Variants in DRD2 observed in about 807,000 individuals in gnomAD.
DRD2 encodes the protein dopamine receptor D2.
A neutral mutation model predicts 38.0 loss-of-function variants in DRD2; 8 were observed. That is an observed-to-expected ratio of 0.21 (90% confidence interval 0.12 to 0.38). The LOEUF is 0.38. Ranked by LOEUF, DRD2 falls within the 10% of genes least tolerant of loss-of-function variation. The pLI, the probability that DRD2 is intolerant of heterozygous loss-of-function variation, is 1.00. For missense variants in DRD2, 403 were observed against 607.7 expected, an observed-to-expected ratio of 0.66 and a Z score of 3.54; for synonymous variants, 230 against 238.6, an observed-to-expected ratio of 0.96 and a Z score of 0.33.
chr11:113,441,495 T>G (rs540179792), intron 1 of DRD2, among the ~76,000 whole-genome samples: 2 of 151,800 alleles, frequency 1.3e-5, no homozygotes, highest in South Asian at 2.1e-4. Flanking sequence ...ATTGGACATT[T>G]CACATTAAAA....
intron 1 of DRD2, among the ~76,000 whole-genome samples, chr11:113,451,215 A>G (rs917632116): frequency 3.9e-5 from 6 of 152,232 alleles, no homozygotes; most frequent in African/African-American, 9.6e-5. Context: ...ATAAGGCAGC[A>G]AGCCCACCTC....
At chr11:113,471,686 A>C (rs538642157) in intron 1 of DRD2, among the ~76,000 whole-genome samples, 25 of 152,326 alleles carry the variant, frequency 1.6e-4, no homozygotes, top group African/African-American at 6.0e-4. Context: ...CAGAAACTGG[A>C]AAATTCATTG....
intron 1 of DRD2, among the ~76,000 whole-genome samples, chr11:113,430,787 G>A (rs1950978703): frequency 6.6e-6 from 1 of 152,334 alleles, no homozygotes; most frequent in African/African-American, 2.4e-5. Context: ...GAAGCCTGGT[G>A]AGTTCTTTGT....
At position 113,412,800 on chromosome 11, in the gene DRD2, G is replaced by C; in HGVS notation, c.894C>G (p.Ile298Met). ...GAGTCAGCTGGTGGTGGCTGGGTGG[G>C]ATGGGGCTGTACCGGGTCCTCTCGG... ...SPPERTRYSPIPPSHHQLTLP... is the reference protein window; with the variant it reads ...SPPERTRYSPMPPSHHQLTLP... Residue 298 changes from isoleucine (I) to methionine (M), a missense_variant, in exon 7 of 8, where the codon ATC becomes ATG. Around this residue, in one of 4 missense-constraint regions of DRD2, gnomAD observed 166 missense variants for 178.6 expected, o/e 0.93. Transcript: ENST00000362072. The C allele has an allele frequency of 6.2e-7, 1 of 1,613,994 alleles. No homozygotes were observed. The highest frequency in any genetic ancestry group is 8.5e-7 in the Non-Finnish European group (1 of 1,179,968).
intron 1 of DRD2, among the ~76,000 whole-genome samples, chr11:113,469,203 C>T (rs1156405866): frequency 5.3e-5 from 8 of 152,076 alleles, no homozygotes; most frequent in Non-Finnish European, 1.2e-4. Flanking sequence ...GCCCTCCCTC[C>T]TGCTCCCACT....
rs568127574 is a variant in DRD2, at chr11:113,427,051, C to A, written c.-31-2369G>T. 3.8e-4 allele frequency among the ~76,000 whole-genome samples: 58 copies of A among 152,364 alleles called. 1 individual carries two copies. The highest frequency in any genetic ancestry group is 3.1e-3 in the Admixed American group (48 of 15,310). On this transcript the variant is annotated intron_variant, in intron 1 of 7. Coordinates refer to ENST00000362072, the MANE Select transcript of DRD2 (RefSeq NM_000795.4). ...GACCATCGCTCTCTTCTTCTCCCCCCACTCCCTGCTGCTGATGATAGCATC... is the reference window on the plus strand; with the variant it reads ...GACCATCGCTCTCTTCTTCTCCCCCAACTCCCTGCTGCTGATGATAGCATC...
intron 5 of DRD2, 137 bp from the exon 6 acceptor site, chr11:113,414,598 C>A: frequency 1.2e-6 from 1 of 838,264 alleles, no homozygotes; most frequent in Non-Finnish European, 2.0e-6. Flanking sequence ...CCAGAGGAGG[C>A]AGTTGGGGCA....
chr11:113,443,294 T>C (rs1176966336), intron 1 of DRD2, among the ~76,000 whole-genome samples: 1 of 152,200 alleles, frequency 6.6e-6, no homozygotes. Flanking sequence ...CATAGTACAC[T>C]ATTGGCTCTT....
intron 1 of DRD2, among the ~76,000 whole-genome samples, chr11:113,435,329 G>T (rs1226227397): frequency 5.7e-5 from 1 of 17,486 alleles, no homozygotes; most frequent in African/African-American, 1.1e-4. Flanking sequence ...GTGACTCAGT[G>T]TGGGGGGGGG....
rs1241812226 is a variant in DRD2, at chr11:113,416,094, T to C, written c.533-483A>G. Among the ~76,000 whole-genome samples, 4 of 152,362 alleles carry C rather than the reference T, an allele frequency of 2.6e-5. No individual in the cohort carries two copies. In the East Asian group the frequency reaches 7.7e-4, roughly 29 times the overall value. ...TGTTTCATATGTTTGCGTGCCCTTC[T>C]AGGTCTACCAGACGCCTGTCCTCTA... On this transcript the variant is annotated intron_variant, in intron 4 of 7. Transcript: ENST00000362072.
At chr11:113,417,396 T>G (rs1004128327) in intron 3 of DRD2, among the ~76,000 whole-genome samples, 4 of 152,222 alleles carry the variant, frequency 2.6e-5, no homozygotes, top group Non-Finnish European at 5.9e-5. Context: ...GAGCAAGATT[T>G]AAGCCTTAGT....
intron 1 of DRD2, among the ~76,000 whole-genome samples, chr11:113,472,535 G>A (rs542769191): frequency 7.2e-5 from 11 of 152,162 alleles, no homozygotes; most frequent in Non-Finnish European, 1.0e-4. Flanking sequence ...TGTAGGTGAA[G>A]GTACAAGACT....
intron 1 of DRD2, among the ~76,000 whole-genome samples, chr11:113,437,297 C>G (rs567288968): frequency 1.8e-4 from 28 of 152,228 alleles, no homozygotes; most frequent in African/African-American, 6.3e-4. Flanking sequence ...TTCCTTACAC[C>G]AGGAGTTGAG....
At chr11:113,473,514 G>A (rs1951448427) in intron 1 of DRD2, among the ~76,000 whole-genome samples, 1 of 152,172 alleles carries the variant, frequency 6.6e-6, no homozygotes, top group Non-Finnish European at 1.5e-5. Flanking sequence ...GGCACCTCAG[G>A]CTGTGCAGGG....
Position 113,424,787 on chromosome 11 carries a change from C to T in DRD2, c.-31-105G>A, listed in dbSNP as rs908349011. On this transcript the variant is annotated intron_variant, in intron 1 of 7. Coordinates refer to ENST00000362072, the MANE Select transcript of DRD2 (RefSeq NM_000795.4). The stretch of plus-strand genomic sequence containing the variant: ...ATTTAATAATGAGAATTTTCCAACT[C>T]GGGATTTTAAGGTTTACGGCTAAGA... 5.9e-5 allele frequency: 70 copies of T among 1,195,570 alleles called. 1 individual carries two copies. The highest frequency in any genetic ancestry group is 5.8e-4 in the South Asian group (41 of 70,326). 74.1% of individuals were successfully genotyped at this position (1,195,570 alleles called of 1,614,324 possible). A position where few individuals can be genotyped will look rare whatever the true frequency, so the allele number is the denominator to read the frequency against.
intron 5 of DRD2, among the ~76,000 whole-genome samples, chr11:113,414,915 T>C (rs1264577492): frequency 1.3e-5 from 2 of 152,176 alleles, no homozygotes; most frequent in Non-Finnish European, 1.5e-5. Context: ...CCACACACTG[T>C]CTTCCTTGTG....
chr11:113,414,300 G>A (rs775868465), intron 6 of DRD2, 75 bp downstream of exon 6: 3 of 1,411,782 alleles, frequency 2.1e-6, no homozygotes, highest in Admixed American at 3.3e-5. Context: ...AGCTTCTGAG[G>A]TCTCAGAACC....
chr11:113,435,214 G>A (rs1036548104), intron 1 of DRD2, among the ~76,000 whole-genome samples: 4 of 152,146 alleles, frequency 2.6e-5, no homozygotes, highest in African/African-American at 9.7e-5. Flanking sequence ...AATGCAGGAA[G>A]GGGTGTCTGC....
At chr11:113,462,723 T>C (rs140404254) in intron 1 of DRD2, among the ~76,000 whole-genome samples, 1 of 152,320 alleles carries the variant, frequency 6.6e-6, no homozygotes, top group Non-Finnish European at 1.5e-5. Context: ...ATGCCCTGGG[T>C]CTCAGGGAGC....
Sources: allele counts gnomAD v4.1 joint callset (sites outside exome capture counted in the v4.1 genomes callset), GRCh38; gene constraint gnomAD v4.1.1; regional missense constraint gnomAD v4.1.1; transcripts MANE v1.5; gene names NCBI Gene and HGNC (gene_info 2026-07-23, HGNC 2026-07-21).